Variants in DNM1L observed in about 807,000 individuals in gnomAD.
DNM1L encodes dynamin-1-like protein.
DNM1L carries 33 observed loss-of-function variants against 92.8 expected under a neutral mutation model. That is an observed-to-expected ratio of 0.36 (90% confidence interval 0.27 to 0.48). The LOEUF is 0.48. Ranked by LOEUF, DNM1L falls within the 20% of genes least tolerant of loss-of-function variation. The pLI, the probability that DNM1L is intolerant of heterozygous loss-of-function variation, is 0.99. For synonymous variants in DNM1L, 284 were observed against 305.0 expected (o/e 0.93, Z 0.72); for missense variants, 485 against 888.8 (o/e 0.55, Z 5.78).
chr12:32,686,005 TAACAA>T (rs1015946085), intron 1 of DNM1L, among the ~76,000 whole-genome samples: 2 of 151,616 alleles, frequency 1.3e-5, no homozygotes, highest in African/African-American at 4.8e-5. Flanking sequence ...TTTTTTAACT[TAACAA>T]AATTGAGGTG....
intron 1 of DNM1L, among the ~76,000 whole-genome samples, chr12:32,689,570 A>G (rs1339803152): frequency 6.6e-6 from 1 of 152,248 alleles, no homozygotes; most frequent in African/African-American, 2.4e-5. Context: ...AGTGAAGCAA[A>G]TATATAAGGA....
At chr12:32,679,817 A>G in intron 1 of DNM1L, 1 of 1,013,922 alleles carries the variant, frequency 9.9e-7, no homozygotes, top group South Asian at 4.6e-5. Context: ...CGCTGCCTCC[A>G]AGGGCACCTG....
At chr12:32,734,715 G>A (rs1954758392) in intron 13 of DNM1L, among the ~76,000 whole-genome samples, 4 of 152,196 alleles carry the variant, frequency 2.6e-5, no homozygotes, top group Admixed American at 2.6e-4. Context: ...GGCTGAGGCA[G>A]GAGAATCAAC....
intron 9 of DNM1L, 143 bp downstream of exon 9, chr12:32,722,776 T>G: frequency 1.5e-6 from 1 of 648,218 alleles, no homozygotes. Flanking sequence ...GATAATAGGA[T>G]GATGTCTGGT....
chr12:32,736,810 G>C (rs570608245), intron 13 of DNM1L: 8 of 385,212 alleles, frequency 2.1e-5, no homozygotes, highest in Non-Finnish European at 3.9e-5. Flanking sequence ...AGTGGGAAAG[G>C]GGGAGAAGAT....
intron 9 of DNM1L, among the ~76,000 whole-genome samples, chr12:32,729,415 C>T (rs1954392592): frequency 6.6e-6 from 1 of 152,060 alleles, no homozygotes; most frequent in Non-Finnish European, 1.5e-5. Context: ...ACTCATTCCC[C>T]TCTCCTCCCT....
chr12:32,705,025 A>T (rs1460438079), intron 2 of DNM1L, among the ~76,000 whole-genome samples: 4 of 131,654 alleles, frequency 3.0e-5, no homozygotes, highest in Non-Finnish European at 4.7e-5. Context: ...TTTTTTTTTA[A>T]GGCAGAGTCT....
In DNM1L at chr12:32,743,379, T is replaced by C. The variant is rs757613675; in HGVS notation, c.2180T>C (p.Ile727Thr). Residue 727 changes from isoleucine to threonine, a missense_variant, in exon 20 of 20, where the codon ATT (isoleucine) becomes ACT (threonine). Around this residue, in one of 11 missense-constraint regions of DNM1L, gnomAD observed 133 missense variants for 210.9 expected, o/e 0.63. Transcript: ENST00000549701. ...GCATTACAAGGAGCCAGTCAAATTA[T>C]TGCTGAAATCCGGGAGACTCATCTT... ...LKALQGASQIIAEIRETHLW is the reference protein window; with the variant it reads ...LKALQGASQITAEIRETHLW 1 of 1,614,036 alleles carries C rather than the reference T, an allele frequency of 6.2e-7. No homozygotes were observed. Among genetic ancestry groups the C allele is most frequent in the Non-Finnish European group, 8.5e-7 (1 of 1,180,010 alleles).
Position 32,743,477 on chromosome 12 carries a change from A to ATCTT in DNM1L, c.*68_*71dup. The stretch of plus-strand genomic sequence containing the variant: ...GCTAGTTACTGCCTACCTGAGTAGA[A>ATCTT]TCTTATTTATGAACTCCTGTGTATT... On this transcript the variant is annotated 3_prime_UTR_variant, in exon 20 of 20. Coordinates refer to ENST00000549701, the MANE Select transcript of DNM1L (RefSeq NM_012062.5). 6.8e-7 allele frequency: 1 copy of ATCTT among 1,464,962 alleles called. No homozygotes were observed. The highest frequency in any genetic ancestry group is 9.5e-7 in the Non-Finnish European group (1 of 1,047,478). 90.7% of individuals were successfully genotyped at this position (1,464,962 alleles called of 1,614,324 possible).
chr12:32,740,400 C>G lies in DNM1L; in HGVS notation c.1885-9C>G. 1 of 1,613,240 alleles carries G rather than the reference C, an allele frequency of 6.2e-7. No homozygotes were observed. The highest frequency in any genetic ancestry group is 8.5e-7 in the Non-Finnish European group (1 of 1,179,342). ...AAAGTAATATTTTTTCCCCCTCATC[C>G]CTATTTAGCCAGTTCCTGTTGCACG... On this transcript the variant is annotated splice_polypyrimidine_tract_variant and intron_variant, in intron 17 of 19. Coordinates refer to ENST00000549701, the MANE Select transcript of DNM1L (RefSeq NM_012062.5).
chr12:32,718,877 C>A, intron 7 of DNM1L, 114 bp downstream of exon 7: 2 of 1,404,220 alleles, frequency 1.4e-6, no homozygotes, highest in Non-Finnish European at 2.0e-6. Context: ...TGATGCTGTA[C>A]TATATTTTTT....
rs149314306 is a variant in DNM1L, at chr12:32,738,521, T to C, written c.1707+225T>C. Among the ~76,000 whole-genome samples, 29 of 152,332 alleles carry C rather than the reference T, an allele frequency of 1.9e-4. No individual in the cohort carries two copies. The East Asian group carries it at 3.3e-3, about 17-fold the overall frequency. On this transcript the variant is annotated intron_variant, in intron 16 of 19. Coordinates refer to ENST00000549701, the MANE Select transcript of DNM1L (RefSeq NM_012062.5). ...TGTTTTGTTACCTTCAAGAATAGTT[T>C]TAAATTTAGTATTTTGGTAGGAAAT...
chr12:32,740,042 G>GT (rs1162991589), intron 16 of DNM1L, 22 bp from the exon 17 acceptor site: 1 of 1,613,986 alleles, frequency 6.2e-7, no homozygotes, highest in African/African-American at 1.3e-5. Flanking sequence ...TGGTTGGTAT[G>GT]TTTTGGAACA....
In DNM1L at chr12:32,713,094, TTTTTA is replaced by T. The variant is rs545082931; in HGVS notation, c.457-109_457-105del. On this transcript the variant is annotated intron_variant, in intron 5 of 19. Coordinates refer to ENST00000549701, the MANE Select transcript of DNM1L (RefSeq NM_012062.5). The stretch of plus-strand genomic sequence containing the variant: ...TTGTAGTATATTAGTAATGTCTTTA[TTTTTA>T]TTTTAACTATTTTTAAATGGATATA... 3.9e-4 allele frequency: 399 copies of T among 1,021,860 alleles called. 1 individual carries two copies. In the African/African-American group the frequency reaches 6.1e-3, roughly 16 times the overall value. The allele number at this position is 1,021,860 out of a possible 1,614,324, so 63.3% of individuals were successfully genotyped here.
intron 9 of DNM1L, chr12:32,727,241 A>G: frequency 1.4e-6 from 2 of 1,442,260 alleles, no homozygotes; most frequent in Non-Finnish European, 9.8e-7. Context: ...AGAGAACAGC[A>G]TACTTCCTTT....
rs534272541 is a variant in DNM1L at position 32,743,783 on chromosome 12, A to C, written c.*373A>C. The C allele has an allele frequency of 4.1e-6, 1 of 246,612 alleles. No homozygotes were observed. Among genetic ancestry groups the C allele is most frequent in the East Asian group, 8.9e-5 (1 of 11,180 alleles). 15.3% of individuals were successfully genotyped at this position (246,612 alleles called of 1,614,324 possible). A position where few individuals can be genotyped will look rare whatever the true frequency, so the allele number is the denominator to read the frequency against. ...CTTAAAGCTGCTGCCATAGTCCTCC[A>C]AGAAGAAAGCACCAAGACAACATTT... is the stretch of plus-strand genomic sequence containing the variant. On this transcript the variant is annotated 3_prime_UTR_variant, in exon 20 of 20. Transcript: ENST00000549701.
chr12:32,681,953 G>T (rs891747591), intron 1 of DNM1L, among the ~76,000 whole-genome samples: 4 of 151,700 alleles, frequency 2.6e-5, no homozygotes, highest in Admixed American at 1.3e-4. Context: ...ATGATTCTGC[G>T]ATGGCACTCC....
chr12:32,693,032 C>A (rs1952293366), intron 1 of DNM1L, among the ~76,000 whole-genome samples: 1 of 152,190 alleles, frequency 6.6e-6, no homozygotes, highest in Non-Finnish European at 1.5e-5. Flanking sequence ...ATAAATGTCT[C>A]ATGTTTGAGA....
At chr12:32,728,410 G>C (rs1182259522) in intron 9 of DNM1L, 1 of 151,988 alleles carries the variant, frequency 6.6e-6, no homozygotes. Context: ...GGTAATACTG[G>C]GCTTGATTAG....
Sources: allele counts gnomAD v4.1 joint callset (sites outside exome capture counted in the v4.1 genomes callset), GRCh38; gene constraint gnomAD v4.1.1; regional missense constraint gnomAD v4.1.1; transcripts MANE v1.5; gene names NCBI Gene and HGNC (gene_info 2026-07-23, HGNC 2026-07-21).